SUV39H2: variants seen among roughly 807,000 people sequenced by gnomAD.
SUV39H2 encodes SUV39H2 histone lysine methyltransferase.
Under a neutral mutation model 47.5 loss-of-function variants are expected in SUV39H2, and 10 were observed. The observed-to-expected ratio is 0.21, with a 90% CI of 0.13 to 0.36. SUV39H2 has a LOEUF of 0.36. Among genes scored for constraint, SUV39H2 ranks in the 10% least tolerant of loss-of-function variants. The pLI, the probability that SUV39H2 is intolerant of heterozygous loss-of-function variation, is 1.00. For missense variants in SUV39H2, 266 were observed against 487.4 expected (o/e 0.55, Z 4.28); for synonymous variants, 159 against 166.8 (o/e 0.95, Z 0.36).
intron 1 of SUV39H2, chr10:14,879,160 A>AGTGGAGCGTGGCCTCTCCGCCC (rs1435538306): frequency 8.4e-7 from 1 of 1,191,514 alleles, no homozygotes; most frequent in Non-Finnish European, 1.0e-6. Flanking sequence ...GCACTTCGGA[A>AGTGGAGCGTGGCCTCTCCGCCC]GTGGAGCGTG....
intron 2 of SUV39H2, among the ~76,000 whole-genome samples, chr10:14,884,108 G>A (rs560655854): frequency 3.5e-4 from 53 of 152,164 alleles, no homozygotes; most frequent in African/African-American, 1.3e-3. Flanking sequence ...TTCCATTTTC[G>A]GACTATTATA....
Position 14,894,517 on chromosome 10 carries a change from G to A in SUV39H2, c.178-2329G>A, listed in dbSNP as rs1204760951. 3.6e-5 allele frequency among the ~76,000 whole-genome samples: 4 copies of A among 112,254 alleles called. 1 individual carries two copies. Among genetic ancestry groups the A allele is most frequent in the Admixed American group, 2.6e-4 (3 of 11,634 alleles). The allele number at this position is 112,254 out of a possible 152,430, so 73.6% of individuals were successfully genotyped here. A position where few individuals can be genotyped will look rare whatever the true frequency, so the allele number is the denominator to read the frequency against. On this transcript the variant is annotated intron_variant, in intron 2 of 5. Coordinates refer to ENST00000354919, the MANE Select transcript of SUV39H2 (RefSeq NM_001193424.2). ...CGTGTAGCTGGGACTACAGGCGCCC[G>A]CCACCACGCCCGGCTAATTTTTTGT...
intron 2 of SUV39H2, among the ~76,000 whole-genome samples, chr10:14,884,932 G>A (rs531681828): frequency 2.0e-5 from 3 of 152,268 alleles, no homozygotes; most frequent in Non-Finnish European, 2.9e-5. Flanking sequence ...GATAGAATGC[G>A]TGGAACAAAG....
Position 14,897,539 on chromosome 10 carries a change from G to C in SUV39H2, c.849+22G>C, listed in dbSNP as rs767666023. 5 of 1,488,132 alleles carry C rather than the reference G, an allele frequency of 3.4e-6. No individual in the cohort carries two copies. The South Asian group carries it at 7.5e-5, about 22-fold the overall frequency. 92.2% of individuals were successfully genotyped at this position (1,488,132 alleles called of 1,614,324 possible). Reference sequence around the variant, plus strand: ...AGAGGTATGTTTCATTTGCCACGTAGTAAATGATGGACATGCAAGGTTTAT... The same window carrying C: ...AGAGGTATGTTTCATTTGCCACGTACTAAATGATGGACATGCAAGGTTTAT... On this transcript the variant is annotated intron_variant, in intron 3 of 5. Coordinates refer to ENST00000354919, the MANE Select transcript of SUV39H2 (RefSeq NM_001193424.2).
chr10:14,880,855 CA>C (rs1281527031), intron 1 of SUV39H2, among the ~76,000 whole-genome samples: 4 of 152,068 alleles, frequency 2.6e-5, no homozygotes, highest in African/African-American at 9.7e-5. Flanking sequence ...CGATATACTC[CA>C]TTTTTTTAAT....
rs372163934 is a variant in SUV39H2 at position 14,897,035 on chromosome 10, A to G, written c.367A>G (p.Ile123Val). 38 of 1,614,130 alleles carry G rather than the reference A, an allele frequency of 2.4e-5. No individual in the cohort carries two copies. The highest frequency in any genetic ancestry group is 3.1e-5 in the Non-Finnish European group (37 of 1,180,026). Residue 123 changes from isoleucine (I) to valine (V), a missense_variant, in exon 3 of 6, where the codon ATT becomes GTT. Ile to Val is a conservative substitution (Grantham distance 29). Coordinates refer to ENST00000354919, the MANE Select transcript of SUV39H2 (RefSeq NM_001193424.2). Reference sequence around the variant, plus strand: ...CAATAACAAAACTTTGAAACCTGCCATTGCTGAGTACATTGTGAAGAAGGC... The same window carrying G: ...CAATAACAAAACTTTGAAACCTGCCGTTGCTGAGTACATTGTGAAGAAGGC... ...KDNNKTLKPA[I>V]AEYIVKKAKQ...
Position 14,904,012 on chromosome 10 carries a change from A to G in SUV39H2, c.*1500A>G, listed in dbSNP as rs1440259265. 3 of 152,186 alleles carry G rather than the reference A, an allele frequency of 2.0e-5. No homozygotes were observed. Among genetic ancestry groups the G allele is most frequent in the Non-Finnish European group, 2.9e-5 (2 of 68,034 alleles). The allele number at this position is 152,186 out of a possible 1,614,324, so 9.4% of individuals were successfully genotyped here. ...CAGATTCTGTTAACCAAAATTGCAG[A>G]ATGGGGGGCCAGGCCTGTGTGGTGG... On this transcript the variant is annotated 3_prime_UTR_variant, in exon 6 of 6. Transcript: ENST00000354919.
chr10:14,887,838 T>C (rs868142141), intron 2 of SUV39H2, among the ~76,000 whole-genome samples: 2 of 152,210 alleles, frequency 1.3e-5, no homozygotes, highest in Middle Eastern at 3.2e-3. Flanking sequence ...ATCTCACTTA[T>C]CCTGGAGAGA....
intron 1 of SUV39H2, 149 bp downstream of exon 1, chr10:14,879,068 C>T (rs1347614411): frequency 1.5e-5 from 20 of 1,304,790 alleles, no homozygotes; most frequent in Non-Finnish European, 1.7e-5. Flanking sequence ...ACGCTGCGGA[C>T]GCCTATCCTC....
At position 14,902,579 on chromosome 10, in the gene SUV39H2, C is replaced by T; in HGVS notation, c.*67C>T. On this transcript the variant is annotated 3_prime_UTR_variant, in exon 6 of 6. Transcript: ENST00000354919. Reference sequence around the variant, plus strand: ...CCTAATGTTAACATTTTTAAAAATACATATTTGGGACTCTTATTATCAAGG... The same window carrying T: ...CCTAATGTTAACATTTTTAAAAATATATATTTGGGACTCTTATTATCAAGG... 1.0e-6 allele frequency: 1 copy of T among 992,844 alleles called. No homozygotes were observed. Among genetic ancestry groups the T allele is most frequent in the East Asian group, 2.7e-5 (1 of 36,524 alleles). 61.5% of individuals were successfully genotyped at this position (992,844 alleles called of 1,614,324 possible). A position where few individuals can be genotyped will look rare whatever the true frequency, so the allele number is the denominator to read the frequency against.
intron 3 of SUV39H2, 51 bp from the exon 4 acceptor site, chr10:14,899,488 G>C (rs138209139): frequency 6.3e-7 from 1 of 1,590,424 alleles, no homozygotes; most frequent in African/African-American, 1.3e-5. Flanking sequence ...GTAGATGAAT[G>C]CTTCTTTGGT....
intron 2 of SUV39H2, among the ~76,000 whole-genome samples, chr10:14,892,889 A>AG: frequency 6.7e-6 from 1 of 148,488 alleles, no homozygotes; most frequent in African/African-American, 2.5e-5. Context: ...GCTTGATCTC[A>AG]GCTCACTGCA....
intron 4 of SUV39H2, among the ~76,000 whole-genome samples, chr10:14,899,929 A>C (rs144498384): frequency 1.4e-3 from 217 of 152,346 alleles, no homozygotes; most frequent in African/African-American, 4.8e-3. Flanking sequence ...ATGTTACTTC[A>C]TTTAAACTTT....
intron 2 of SUV39H2, among the ~76,000 whole-genome samples, chr10:14,894,717 A>C (rs1833509993): frequency 6.6e-6 from 1 of 152,188 alleles, no homozygotes; most frequent in Non-Finnish European, 1.5e-5. Flanking sequence ...GAATATAATG[A>C]AACAAAATAT....
intron 2 of SUV39H2, among the ~76,000 whole-genome samples, chr10:14,895,470 C>G (rs894247303): frequency 1.3e-5 from 2 of 152,192 alleles, no homozygotes; most frequent in South Asian, 4.1e-4. Flanking sequence ...CCCACCGCAC[C>G]CAGCCGGAAC....
At position 14,899,598 on chromosome 10, in the gene SUV39H2, G is replaced by T. The variant is rs190174096; in HGVS notation, c.909G>T (p.Thr303=). The T allele has an allele frequency of 2.5e-6, 4 of 1,614,008 alleles. No individual in the cohort carries two copies. The highest frequency in any genetic ancestry group is 1.3e-5 in the African/African-American group (1 of 74,910). The part of the protein sequence containing the change: ...RGQFYDNKGI[T]YLFDLDYESD... Reference sequence around the variant, plus strand: ...AGTTCTATGACAACAAGGGAATCACGTATCTCTTTGATCTGGACTATGAGT... The same window carrying T: ...AGTTCTATGACAACAAGGGAATCACTTATCTCTTTGATCTGGACTATGAGT... The change falls in exon 4 of 6, where the codon ACG becomes ACT. Residue 303 remains threonine (T), a synonymous_variant. Coordinates refer to ENST00000354919, the MANE Select transcript of SUV39H2 (RefSeq NM_001193424.2).
intron 2 of SUV39H2, among the ~76,000 whole-genome samples, chr10:14,894,500 TG>T (rs1833500958): frequency 9.0e-6 from 1 of 110,528 alleles, no homozygotes; most frequent in Non-Finnish European, 1.7e-5. Context: ...CCCGTGTAGC[TG>T]GGACTACAGG....
intron 2 of SUV39H2, among the ~76,000 whole-genome samples, chr10:14,890,746 A>G (rs554201958): frequency 2.0e-5 from 3 of 152,204 alleles, no homozygotes; most frequent in Non-Finnish European, 2.9e-5. Context: ...TGGAAAGACA[A>G]AATTTTTTTG....
chr10:14,885,722 A>T (rs1267197748), intron 2 of SUV39H2, among the ~76,000 whole-genome samples: 1 of 152,194 alleles, frequency 6.6e-6, no homozygotes, highest in Admixed American at 6.5e-5. Context: ...TCTCTAAGCC[A>T]GCATTACTTT....
Sources: allele counts gnomAD v4.1 joint callset (sites outside exome capture counted in the v4.1 genomes callset), GRCh38; gene constraint gnomAD v4.1.1; transcripts MANE v1.5; gene names NCBI Gene and HGNC (gene_info 2026-07-23, HGNC 2026-07-21).